The following ARID1B variants were observed in gnomAD, a reference collection of about 807,000 sequenced individuals.
ARID1B encodes AT-rich interactive domain-containing protein 1B.
ARID1B carries 30 observed loss-of-function variants against 212.3 expected under a neutral mutation model. The observed-to-expected ratio is 0.14, with a 90% CI of 0.11 to 0.19. The LOEUF is 0.19. Among genes scored for constraint, ARID1B ranks in the 10% least tolerant of loss-of-function variants. The pLI is 1.00. For synonymous variants in ARID1B, 1,402 were observed against 1,301.7 expected (o/e 1.08, Z -1.66); for missense variants, 2,891 against 3,204.0 (o/e 0.90, Z 2.36).
chr6:156,933,177 A>G (rs974537823), intron 3 of ARID1B, among the ~76,000 whole-genome samples: 1 of 152,190 alleles, frequency 6.6e-6, no homozygotes, highest in African/African-American at 2.4e-5. Flanking sequence ...ATAAAAAGAA[A>G]CATAAAAGGG....
chr6:157,071,617 T>C (rs1784010032), intron 4 of ARID1B: 1 of 152,240 alleles, frequency 6.6e-6, no homozygotes, highest in Non-Finnish European at 1.5e-5. Flanking sequence ...TACCTGTACC[T>C]GAAGCAGTGG....
At chr6:156,878,107 A>G (rs886595146) in intron 2 of ARID1B, among the ~76,000 whole-genome samples, 1 of 151,922 alleles carries the variant, frequency 6.6e-6, no homozygotes, top group Non-Finnish European at 1.5e-5. Context: ...GCCCTTCCTC[A>G]TGCCTCTGCC....
intron 2 of ARID1B, among the ~76,000 whole-genome samples, chr6:156,877,780 G>T (rs1450966435): frequency 2.0e-5 from 3 of 151,650 alleles, no homozygotes; most frequent in Non-Finnish European, 2.9e-5. Flanking sequence ...TGCCATCTTG[G>T]CTCACTGCAA....
chr6:157,147,770 C>A (rs559864635), intron 7 of ARID1B, among the ~76,000 whole-genome samples: 194 of 72,998 alleles, frequency 2.7e-3, no homozygotes, highest in African/African-American at 7.1e-3. Context: ...CCCTCACCTC[C>A]GCCTCCGGCC....
chr6:157,117,781 T>C (rs1787419877), intron 6 of ARID1B, among the ~76,000 whole-genome samples: 1 of 152,280 alleles, frequency 6.6e-6, no homozygotes, highest in Non-Finnish European at 1.5e-5. Context: ...TCATTTGCTG[T>C]AACACAGTGT....
chr6:156,966,386 C>CTTTTTT (rs1214987532), intron 4 of ARID1B, among the ~76,000 whole-genome samples: 248 of 38,806 alleles, frequency 6.4e-3, no homozygotes, highest in South Asian at 0.011. Context: ...CTTTTCTTTT[C>CTTTTTT]TTTTTTTTTT....
At position 157,067,563 on chromosome 6, in the gene ARID1B, G is replaced by C. The variant is rs114968617; in HGVS notation, c.2248-17099G>C. On this transcript the variant is annotated intron_variant, in intron 4 of 19. Transcript: ENST00000636930. Reference sequence around the variant, plus strand: ...AGGTTCCTCCTGCTCAAATGTGCATGTATAGAGAGTTTCCTATATCATTTA... The same window carrying C: ...AGGTTCCTCCTGCTCAAATGTGCATCTATAGAGAGTTTCCTATATCATTTA... Among the ~76,000 whole-genome samples the C allele has an allele frequency of 7.5e-3, 1,145 of 152,252 alleles. 22 individuals are homozygous for C. The highest frequency in any genetic ancestry group is 0.026 in the African/African-American group (1,096 of 41,548).
At chr6:156,787,252 C>T (rs1468132497) in intron 1 of ARID1B, among the ~76,000 whole-genome samples, 5 of 152,018 alleles carry the variant, frequency 3.3e-5, no homozygotes, top group African/African-American at 9.7e-5. Context: ...TAGGAAGATA[C>T]TTGGATTGCT....
At chr6:157,092,711 A>G (rs1785354269) in intron 5 of ARID1B, among the ~76,000 whole-genome samples, 1 of 152,242 alleles carries the variant, frequency 6.6e-6, no homozygotes, top group Non-Finnish European at 1.5e-5. Context: ...CTCTTAATTA[A>G]AAAAAGTTGG....
At position 156,969,829 on chromosome 6, in the gene ARID1B, C is replaced by T. The variant is rs145386497; in HGVS notation, c.2247+34253C>T. Among the ~76,000 whole-genome samples the T allele has an allele frequency of 8.6e-5, 13 of 151,224 alleles. No individual in the cohort carries two copies. In the East Asian group the frequency reaches 2.3e-3, roughly 27 times the overall value. ...CTAAAGAGAAGACACTGTCTAGTAA[C>T]TTAGAAGGCTCAATAATTTCAATTT... is the stretch of plus-strand genomic sequence containing the variant. On this transcript the variant is annotated intron_variant, in intron 4 of 19. Coordinates refer to ENST00000636930, the MANE Select transcript of ARID1B (RefSeq NM_001374828.1).
chr6:156,864,605 A>G (rs2048037509), intron 2 of ARID1B, among the ~76,000 whole-genome samples: 1 of 152,220 alleles, frequency 6.6e-6, no homozygotes, highest in African/African-American at 2.4e-5. Context: ...CCACGTCCCC[A>G]GAGGCGTCCA....
At position 157,206,663 on chromosome 6, in the gene ARID1B, C is replaced by G; in HGVS notation, c.5891C>G (p.Pro1964Arg). 1 of 1,613,400 alleles carries G rather than the reference C, an allele frequency of 6.2e-7. No individual in the cohort carries two copies. Among genetic ancestry groups the G allele is most frequent in the Non-Finnish European group, 8.5e-7 (1 of 1,179,990 alleles). Residue 1964 changes from proline (P) to arginine (R), a missense_variant, in exon 20 of 20, where the codon CCT (proline) becomes CGT (arginine). Coordinates refer to ENST00000636930, the MANE Select transcript of ARID1B (RefSeq NM_001374828.1). The surrounding 1 kb of genome is among the most constrained non-coding windows in gnomAD (Gnocchi z 6.8). ...QTHFESKMEI[P>R]PRRRPPPPLS... is the part of the protein sequence containing the mutation. ...CACTTTGAGAGCAAGATGGAAATTC[C>G]TCCTCGCAGGCGCCCACCTCCCCCC...
At chr6:156,814,806 G>T (rs1049716720) in intron 1 of ARID1B, among the ~76,000 whole-genome samples, 1 of 152,124 alleles carries the variant, frequency 6.6e-6, no homozygotes, top group Non-Finnish European at 1.5e-5. Flanking sequence ...TCACTTTTGG[G>T]AGGATAATAC....
At chr6:156,859,253 A>G (rs1245458435) in intron 2 of ARID1B, among the ~76,000 whole-genome samples, 1 of 152,158 alleles carries the variant, frequency 6.6e-6, no homozygotes, top group Non-Finnish European at 1.5e-5. Flanking sequence ...AGCTGGGGCT[A>G]CAGGTGCCCG....
In ARID1B at chr6:157,200,529, G is replaced by T. The variant is rs1311889689; in HGVS notation, c.4480-176G>T. Among the ~76,000 whole-genome samples the T allele has an allele frequency of 6.6e-6, 1 of 152,128 alleles. No homozygotes were observed. The highest frequency in any genetic ancestry group is 1.5e-5 in the Non-Finnish European group (1 of 68,020). ...TGCTCTCTCCTCAGTGTGTGACATGGTGTATATAATACTGAAATATTGAAC... is the reference window on the plus strand; with the variant it reads ...TGCTCTCTCCTCAGTGTGTGACATGTTGTATATAATACTGAAATATTGAAC... On this transcript the variant is annotated intron_variant, in intron 17 of 19. Transcript: ENST00000636930. The surrounding 1 kb of genome is among the most constrained non-coding windows in gnomAD (Gnocchi z 4.3).
intron 4 of ARID1B, among the ~76,000 whole-genome samples, chr6:157,041,126 G>T (rs1327162810): frequency 6.6e-6 from 1 of 152,134 alleles, no homozygotes; most frequent in African/African-American, 2.4e-5. Context: ...CTTTGATCAT[G>T]ATTTGAATAT....
intron 4 of ARID1B, chr6:156,936,367 A>G (rs1238146209): frequency 6.6e-6 from 1 of 150,582 alleles, no homozygotes; most frequent in African/African-American, 2.5e-5. Flanking sequence ...AAAAATTGAC[A>G]AAGCTGTTTA....
At chr6:157,000,696 C>CTTTTTTTTTTTTTTTTTTTTTTTTT (rs10536002) in intron 4 of ARID1B, among the ~76,000 whole-genome samples, 2 of 99,230 alleles carry the variant, frequency 2.0e-5, no homozygotes, top group African/African-American at 8.0e-5. Context: ...TCTAATTATT[C>CTTTTTTTTTTTTTTTTTTTTTTTTT]TTTTTTTTTT....
chr6:156,845,888 A>G (rs1784196265), intron 2 of ARID1B, among the ~76,000 whole-genome samples: 1 of 151,624 alleles, frequency 6.6e-6, no homozygotes, highest in South Asian at 2.1e-4. Flanking sequence ...CTTTTTTTCT[A>G]TCCTCCTTTC....
Sources: allele counts gnomAD v4.1 joint callset (sites outside exome capture counted in the v4.1 genomes callset), GRCh38; gene constraint gnomAD v4.1.1; non-coding constraint Gnocchi (gnomAD v3.1); transcripts MANE v1.5; gene names NCBI Gene and HGNC (gene_info 2026-07-23, HGNC 2026-07-21).